The following AARS2 variants were observed in gnomAD, a reference collection of about 807,000 sequenced individuals.
AARS2 encodes alanine--tRNA ligase, mitochondrial.
A neutral mutation model predicts 119.7 loss-of-function variants in AARS2; 78 were observed. That is an observed-to-expected ratio of 0.65 (90% CI 0.54 to 0.79). AARS2 has a LOEUF of 0.79. Among genes scored for constraint, AARS2 ranks in the 30% least tolerant of loss-of-function variants. The probability of loss-of-function intolerance (pLI) is 0.00; values close to 1 mark genes in which losing one functional copy is unlikely to be tolerated. For missense variants in AARS2, 1,157 were observed against 1,291.3 expected, an observed-to-expected ratio of 0.90 and a Z score of 1.59; for synonymous variants, 502 against 526.3, an observed-to-expected ratio of 0.95 and a Z score of 0.63.
At position 44,307,722 on chromosome 6, in the gene AARS2, A is replaced by C. The variant is rs1785986510; in HGVS notation, c.895-328T>G. 3 of 381,926 alleles carry C rather than the reference A, an allele frequency of 7.9e-6. No individual in the cohort carries two copies. Among genetic ancestry groups the C allele is most frequent in the African/African-American group, 4.1e-5 (2 of 49,112 alleles). 23.7% of individuals were successfully genotyped at this position (381,926 alleles called of 1,614,324 possible). On this transcript the variant is annotated intron_variant, in intron 5 of 21. Transcript: ENST00000244571. This position sits in a 1 kb window ranked among gnomAD's most constrained non-coding sequence, Gnocchi z 4.4. ...TATTAGCATGCTTGCTTTAAAGAAG[A>C]AGAAGCTGAGGCTCAGAGGAACTCA...
In AARS2 at chr6:44,301,260, C is replaced by T. The variant is rs1488751285; in HGVS notation, c.2689G>A (p.Val897Met). ...TVSAESLSVL[V>M]KVVRQLCEQA... Reference sequence around the variant, plus strand: ...TCACACAGCTGCCGTACCACCTTCACCAGCACCTGGACCACGAAAGACAGA... The same window carrying T: ...TCACACAGCTGCCGTACCACCTTCATCAGCACCTGGACCACGAAAGACAGA... The change falls in exon 21 of 22, where the codon GTG becomes ATG. Residue 897 changes from valine to methionine, a missense_variant. By Grantham distance (21) the Val-to-Met change is conservative. Coordinates refer to ENST00000244571, the MANE Select transcript of AARS2 (RefSeq NM_020745.4). 1 of 1,613,986 alleles carries T rather than the reference C, an allele frequency of 6.2e-7. No individual in the cohort carries two copies. Among genetic ancestry groups the T allele is most frequent in the East Asian group, 2.2e-5 (1 of 44,868 alleles).
rs757341602 is a variant in AARS2, at chr6:44,311,399, A to C, written c.572T>G (p.Leu191Arg). ...DPDLETRDIW[L>R]SLGVPASRVL... is the part of the protein sequence containing the mutation. ...AAGGGGGCTGACTTACCCTAAGCTCAGCCAGATGTCCCTGGTCTCCAGGTC... is the reference window on the plus strand; with the variant it reads ...AAGGGGGCTGACTTACCCTAAGCTCCGCCAGATGTCCCTGGTCTCCAGGTC... The change falls in exon 3 of 22, where the codon CTG (leucine) becomes CGG (arginine). Residue 191 changes from leucine (L) to arginine (R), a missense_variant. Coordinates refer to ENST00000244571, the MANE Select transcript of AARS2 (RefSeq NM_020745.4). 3.7e-6 allele frequency: 6 copies of C among 1,614,090 alleles called. No homozygotes were observed. The African/African-American group carries it at 5.3e-5, about 14-fold the overall frequency.
chr6:44,300,866 G>T, intron 21 of AARS2, 155 bp from the exon 22 acceptor site: 1 of 1,015,002 alleles, frequency 9.9e-7, no homozygotes, highest in Non-Finnish European at 1.5e-6. Context: ...GAGAAGGTTT[G>T]GGCTGGAAAT....
In AARS2 at chr6:44,304,430, T is replaced by C. The variant is rs1227705319; in HGVS notation, c.1856A>G (p.His619Arg). 1 of 1,614,180 alleles carries C rather than the reference T, an allele frequency of 6.2e-7. No homozygotes were observed. Among genetic ancestry groups the C allele is most frequent in the Non-Finnish European group, 8.5e-7 (1 of 1,180,016 alleles). ...AGGGAGGATCCTTACCTCATCCACATGCAGCTGCACCTGGTCCCCTAACCG... is the reference window on the plus strand; with the variant it reads ...AGGGAGGATCCTTACCTCATCCACACGCAGCTGCACCTGGTCCCCTAACCG... ...CLRLGDQVQLHVDEAWRLGCM... is the reference protein window; with the variant it reads ...CLRLGDQVQLRVDEAWRLGCM... Residue 619 changes from histidine (H) to arginine (R), a missense_variant, in exon 13 of 22, where the codon CAT becomes CGT. Transcript: ENST00000244571.
Position 44,304,687 on chromosome 6 carries a change from GC to G in AARS2, c.1709del (p.Gly570AlafsTer21), listed in dbSNP as rs1785679718. On this transcript the variant is annotated frameshift_variant, in exon 12 of 22. Transcript: ENST00000244571. LOFTEE classifies it high-confidence loss of function. ...DRTNFYAEQG[G>X]QASDRGYLVR... is the part of the protein sequence containing the mutation. ...CCAGGTAGCCACGGTCTGAAGCCTG[GC>G]CCCCCTGTTCTGCGTAGAAGTTGGT... 3 of 1,614,220 alleles carry G rather than the reference GC, an allele frequency of 1.9e-6. No individual in the cohort carries two copies. Among genetic ancestry groups the G allele is most frequent in the South Asian group, 1.1e-5 (1 of 91,084 alleles).
At chr6:44,310,165 G>T in intron 5 of AARS2, 134 bp downstream of exon 5, 1 of 1,243,536 alleles carries the variant, frequency 8.0e-7, no homozygotes, top group Middle Eastern at 1.9e-4. Context: ...CTTGCTTGAC[G>T]TCTTGGAATT....
rs750427077 is a variant in AARS2, at chr6:44,307,218, CCT to C, written c.1040+29_1040+30del. The C allele has an allele frequency of 8.3e-5, 134 of 1,613,658 alleles. No individual in the cohort carries two copies. The highest frequency in any genetic ancestry group is 4.9e-4 in the Middle Eastern group (3 of 6,084). The stretch of plus-strand genomic sequence containing the variant: ...CCTCCACCTGAGACCCCCAGCAGCC[CCT>C]GTCCTCTCTGTAGCCCTTCCAGACT... On this transcript the variant is annotated intron_variant, in intron 6 of 21. Coordinates refer to ENST00000244571, the MANE Select transcript of AARS2 (RefSeq NM_020745.4). This position sits in a 1 kb window ranked among gnomAD's most constrained non-coding sequence, Gnocchi z 4.4.
Position 44,305,315 on chromosome 6 carries a change from G to T in AARS2, c.1435-117C>A. 1 of 1,491,494 alleles carries T rather than the reference G, an allele frequency of 6.7e-7. No homozygotes were observed. Among genetic ancestry groups the T allele is most frequent in the Non-Finnish European group, 9.2e-7 (1 of 1,089,538 alleles). 92.4% of individuals were successfully genotyped at this position (1,491,494 alleles called of 1,614,324 possible). Reference sequence around the variant, plus strand: ...CAGCTGTGGACTCTGCAGCCCTTCTGGAATAAGAACTCAGGGCTTGGCTGG... The same window carrying T: ...CAGCTGTGGACTCTGCAGCCCTTCTTGAATAAGAACTCAGGGCTTGGCTGG... On this transcript the variant is annotated intron_variant, in intron 10 of 21. Transcript: ENST00000244571. This position sits in a 1 kb window ranked among gnomAD's most constrained non-coding sequence, Gnocchi z 4.6.
Position 44,307,480 on chromosome 6 carries a change from G to A in AARS2, c.895-86C>T, listed in dbSNP as rs1242382516. 3 of 1,510,262 alleles carry A rather than the reference G, an allele frequency of 2.0e-6. No individual in the cohort carries two copies. The African/African-American group carries it at 4.1e-5, about 21-fold the overall frequency. 93.6% of individuals were successfully genotyped at this position (1,510,262 alleles called of 1,614,324 possible). A position where few individuals can be genotyped will look rare whatever the true frequency, so the allele number is the denominator to read the frequency against. ...ATCGCCTCTAGAGCATCTGCCCTCA[G>A]CCCTAAAGCCAACCACATCCAGAAT... is the stretch of plus-strand genomic sequence containing the variant. On this transcript the variant is annotated intron_variant, in intron 5 of 21. Transcript: ENST00000244571. This position sits in a 1 kb window ranked among gnomAD's most constrained non-coding sequence, Gnocchi z 4.4.
chr6:44,311,159 AC>A lies in AARS2; in HGVS notation c.583del (p.Val195CysfsTer44). ...ETRDIWLSLG[V>X]PASRVLSFGP... ...AAAGGAAAGCACACGGCTAGCAGGC[AC>A]CCTGGGGAGAAAAGCAGGTGAGTGG... On this transcript the variant is annotated frameshift_variant and splice_region_variant, in exon 4 of 22. Coordinates refer to ENST00000244571, the MANE Select transcript of AARS2 (RefSeq NM_020745.4). LOFTEE classifies it high-confidence loss of function. The A allele has an allele frequency of 6.2e-7, 1 of 1,614,050 alleles. No individual in the cohort carries two copies. The highest frequency in any genetic ancestry group is 8.5e-7 in the Non-Finnish European group (1 of 1,180,020).
intron 21 of AARS2, 141 bp downstream of exon 21, chr6:44,301,015 C>A: frequency 1.2e-6 from 1 of 837,542 alleles, no homozygotes. Context: ...AAGGAGATTC[C>A]CCATCCCTGT....
rs753770456 is a variant in AARS2, at chr6:44,311,535, C to G, written c.436G>C (p.Glu146Gln). 6.2e-7 allele frequency: 1 copy of G among 1,613,332 alleles called. No individual in the cohort carries two copies. Among genetic ancestry groups the G allele is most frequent in the Non-Finnish European group, 8.5e-7 (1 of 1,179,828 alleles). ...NWAFGGEYFK[E>Q]EACNMAWELL... Reference sequence around the variant, plus strand: ...TCCCAGGCCATGTTACAAGCCTCCTCCTGCAGCAGAAACCAGCATGGGGTG... The same window carrying G: ...TCCCAGGCCATGTTACAAGCCTCCTGCTGCAGCAGAAACCAGCATGGGGTG... The change falls in exon 3 of 22, where the codon GAG (glutamate) becomes CAG (glutamine). Residue 146 changes from glutamate (E) to glutamine (Q), a missense_variant and splice_region_variant. Transcript: ENST00000244571.
chr6:44,304,693 C>G lies in AARS2; in HGVS notation c.1704G>C (p.Gln568His). The change falls in exon 12 of 22, where the codon CAG becomes CAC. Residue 568 changes from glutamine (Q) to histidine (H), a missense_variant. Coordinates refer to ENST00000244571, the MANE Select transcript of AARS2 (RefSeq NM_020745.4). ...AGCCACGGTCTGAAGCCTGGCCCCC[C>G]TGTTCTGCGTAGAAGTTGGTCCTGT... ...LLDRTNFYAE[Q>H]GGQASDRGYL... 1 of 1,614,250 alleles carries G rather than the reference C, an allele frequency of 6.2e-7. No homozygotes were observed. The highest frequency in any genetic ancestry group is 8.5e-7 in the Non-Finnish European group (1 of 1,180,026).
chr6:44,301,362 C>A lies in AARS2; in HGVS notation c.2682+19G>T, dbSNP rs1259014688. On this transcript the variant is annotated intron_variant, in intron 20 of 21. Coordinates refer to ENST00000244571, the MANE Select transcript of AARS2 (RefSeq NM_020745.4). ...GCCCTCCCCAGACCCTGGGGCAGCC[C>A]GGCTTGGCTAGCACTCACTGAGAGA... 1 of 1,613,894 alleles carries A rather than the reference C, an allele frequency of 6.2e-7. No homozygotes were observed. The highest frequency in any genetic ancestry group is 1.3e-5 in the African/African-American group (1 of 75,028).
rs1308200104 is a variant in AARS2, at chr6:44,304,341, C to T, written c.1867-20G>A. 4 of 1,614,182 alleles carry T rather than the reference C, an allele frequency of 2.5e-6. No individual in the cohort carries two copies. Among genetic ancestry groups the T allele is most frequent in the Non-Finnish European group, 3.4e-6 (4 of 1,180,030 alleles). On this transcript the variant is annotated intron_variant, in intron 13 of 21. Transcript: ENST00000244571. ...CCAGGCCTGAAATACTTTTGTCACC[C>T]AGCGTCCTGGGTGAGGGCAGGGGGT...
intron 5 of AARS2, among the ~76,000 whole-genome samples, chr6:44,308,100 T>G (rs1259282348): frequency 6.6e-6 from 1 of 152,184 alleles, no homozygotes; most frequent in Non-Finnish European, 1.5e-5. Context: ...ATCAATCTAC[T>G]TGTCTCTACT....
At position 44,310,434 on chromosome 6, in the gene AARS2, A is replaced by G. The variant is rs541093980; in HGVS notation, c.759T>C (p.Asp253=). Residue 253 remains aspartate, a synonymous_variant, in exon 5 of 22, where the codon GAT becomes GAC. Transcript: ENST00000244571. ...LVFMQHNREA[D]GSLQPLPQRH... is the part of the protein sequence containing the mutation. Reference sequence around the variant, plus strand: ...GCTGGGGCAGGGGCTGCAGGCTTCCATCTGCCTCTCTGGCCAGGGAAGGTG... The same window carrying G: ...GCTGGGGCAGGGGCTGCAGGCTTCCGTCTGCCTCTCTGGCCAGGGAAGGTG... 1 of 1,613,656 alleles carries G rather than the reference A, an allele frequency of 6.2e-7. No homozygotes were observed. The highest frequency in any genetic ancestry group is 1.3e-5 in the African/African-American group (1 of 75,050).
chr6:44,306,478 C>T lies in AARS2; in HGVS notation c.1188+16G>A, dbSNP rs765792673. 32 of 1,614,070 alleles carry T rather than the reference C, an allele frequency of 2.0e-5. No homozygotes were observed. The highest frequency in any genetic ancestry group is 1.7e-5 in the Admixed American group (1 of 60,006). On this transcript the variant is annotated intron_variant, in intron 8 of 21. Transcript: ENST00000244571. ...CTCTCCCATCAACCCCTTTCTCTCCCACTGGAATCCAGTACCTGGGCTGAG... is the reference window on the plus strand; with the variant it reads ...CTCTCCCATCAACCCCTTTCTCTCCTACTGGAATCCAGTACCTGGGCTGAG...
At position 44,312,281 on chromosome 6, in the gene AARS2, G is replaced by C; in HGVS notation, c.244-18C>G. 1 of 1,611,250 alleles carries C rather than the reference G, an allele frequency of 6.2e-7. No individual in the cohort carries two copies. The highest frequency in any genetic ancestry group is 8.5e-7 in the Non-Finnish European group (1 of 1,177,824). ...GGCTTGAACTGGAAGCACATAGAGT[G>C]GGGAGGGGGAGAGGGATATCCAATT... On this transcript the variant is annotated intron_variant, in intron 1 of 21. Coordinates refer to ENST00000244571, the MANE Select transcript of AARS2 (RefSeq NM_020745.4).
Sources: gnomAD v4.1 joint callset for allele counts (sites outside exome capture counted in the v4.1 genomes callset) on GRCh38, gnomAD v4.1.1 for gene constraint, Gnocchi (gnomAD v3.1) non-coding constraint, MANE v1.5 for transcripts, NCBI Gene and HGNC (gene_info 2026-07-23, HGNC 2026-07-21) for gene names.